Variants in TCF4 observed in about 807,000 individuals in gnomAD.
TCF4 encodes transcription factor 4.
Under a neutral mutation model 82.1 loss-of-function variants are expected in TCF4, and 3 were observed. That is an observed-to-expected ratio of 0.04 (90% CI 0.02 to 0.09). TCF4 has a LOEUF of 0.09. Among genes scored for constraint, TCF4 ranks in the 10% least tolerant of loss-of-function variants. TCF4 has a pLI of 1.00. For missense variants in TCF4, 518 were observed against 852.7 expected, an observed-to-expected ratio of 0.61 and a Z score of 4.89; for synonymous variants, 276 against 309.6, an observed-to-expected ratio of 0.89 and a Z score of 1.14.
intron 8 of TCF4, among the ~76,000 whole-genome samples, chr18:55,330,238 TGGC>T (rs2077301936): frequency 6.9e-6 from 1 of 143,954 alleles, no homozygotes; most frequent in Non-Finnish European, 1.5e-5. Context: ...TGGAGTGCAG[TGGC>T]ACGATCTCGG....
intron 8 of TCF4, among the ~76,000 whole-genome samples, chr18:55,305,612 A>C (rs1302790535): frequency 6.6e-6 from 1 of 152,206 alleles, no homozygotes; most frequent in Admixed American, 6.5e-5. Flanking sequence ...GAATGGTATC[A>C]ATTTATGTTT....
At chr18:55,250,546 A>G (rs2054685245) in intron 15 of TCF4, among the ~76,000 whole-genome samples, 1 of 152,234 alleles carries the variant, frequency 6.6e-6, no homozygotes, top group Non-Finnish European at 1.5e-5. Context: ...CCGCTGCAGG[A>G]CTTGAGACTA....
intron 3 of TCF4, among the ~76,000 whole-genome samples, chr18:55,577,110 G>GTATATATACATTTATATATT (rs1352934116): frequency 5.3e-5 from 7 of 132,800 alleles, no homozygotes; most frequent in South Asian, 2.4e-4. Context: ...ATTTATATAT[G>GTATATATACATTTATATATT]TATATATACA....
intron 15 of TCF4, among the ~76,000 whole-genome samples, chr18:55,236,644 C>T (rs957223604): frequency 1.3e-5 from 2 of 152,018 alleles, no homozygotes. Flanking sequence ...TTTTGATTTG[C>T]TATTTTTATA....
At chr18:55,246,644 G>A (rs778162149) in intron 15 of TCF4, among the ~76,000 whole-genome samples, 4 of 151,772 alleles carry the variant, frequency 2.6e-5, no homozygotes, top group Non-Finnish European at 4.4e-5. Flanking sequence ...GTAAGCTCAA[G>A]GATTCTCAGC....
At chr18:55,381,838 C>T (rs2091944838) in intron 6 of TCF4, among the ~76,000 whole-genome samples, 1 of 151,596 alleles carries the variant, frequency 6.6e-6, no homozygotes, top group Admixed American at 6.6e-5. Flanking sequence ...CAACTTATGT[C>T]TTCTTTTTAC....
intron 3 of TCF4, among the ~76,000 whole-genome samples, chr18:55,548,921 T>C (rs945163642): frequency 1.3e-5 from 2 of 152,208 alleles, no homozygotes; most frequent in Admixed American, 1.3e-4. Context: ...GGTGAGTGAA[T>C]GCAAAGGCCT....
chr18:55,256,876 C>T (rs1466621320), intron 14 of TCF4, among the ~76,000 whole-genome samples: 5 of 152,110 alleles, frequency 3.3e-5, no homozygotes, highest in South Asian at 4.1e-4. Flanking sequence ...TTCTCTACCA[C>T]GAAGGATACC....
intron 3 of TCF4, among the ~76,000 whole-genome samples, chr18:55,526,677 T>C (rs2096988108): frequency 6.6e-6 from 1 of 152,190 alleles, no homozygotes; most frequent in African/African-American, 2.4e-5. Flanking sequence ...GCAGCAATCC[T>C]GAGAAAAGGC....
intron 3 of TCF4, chr18:55,553,149 C>T (rs1258421013): frequency 2.0e-5 from 3 of 152,340 alleles, no homozygotes; most frequent in African/African-American, 7.2e-5. Context: ...CAAAATTCCA[C>T]ATTTGCAACC....
intron 11 of TCF4, among the ~76,000 whole-genome samples, chr18:55,262,001 C>CCAAA (rs376803732): frequency 2.0e-5 from 3 of 152,188 alleles, no homozygotes; most frequent in Non-Finnish European, 2.9e-5. Context: ...CTACAGTACA[C>CCAAA]CAAACAAACA....
chr18:55,545,198 C>T (rs550229902), intron 3 of TCF4, among the ~76,000 whole-genome samples: 332 of 152,302 alleles, frequency 2.2e-3, no homozygotes, highest in Admixed American at 3.8e-3. Context: ...GACTGACTTA[C>T]AATATGGAAT....
intron 8 of TCF4, among the ~76,000 whole-genome samples, chr18:55,342,106 T>TC (rs1569095259): frequency 1.3e-5 from 2 of 152,196 alleles, no homozygotes; most frequent in Non-Finnish European, 2.9e-5. Context: ...CATGCTTTTT[T>TC]CCCCTTCTAC....
chr18:55,351,514 G>A (rs2082316075), intron 6 of TCF4, among the ~76,000 whole-genome samples: 1 of 151,990 alleles, frequency 6.6e-6, no homozygotes, highest in African/African-American at 2.4e-5. Context: ...CCACAGAAGA[G>A]AAAATGCCAA....
chr18:55,569,827 CA>C (rs1360960772), intron 3 of TCF4, among the ~76,000 whole-genome samples: 1 of 151,938 alleles, frequency 6.6e-6, no homozygotes, highest in Non-Finnish European at 1.5e-5. Flanking sequence ...ATAATTCTCC[CA>C]AAATTGATCT....
chr18:55,242,620 T>C (rs2145011725), intron 15 of TCF4, among the ~76,000 whole-genome samples: 1 of 152,142 alleles, frequency 6.6e-6, no homozygotes, highest in Middle Eastern at 3.4e-3. Flanking sequence ...ATTTTTTTTT[T>C]TTTTTTTAAG....
intron 2 of TCF4, among the ~76,000 whole-genome samples, chr18:55,612,647 C>T (rs1176550061): frequency 6.6e-6 from 1 of 151,870 alleles, no homozygotes; most frequent in African/African-American, 2.4e-5. Flanking sequence ...TTAGGAGGTA[C>T]AGGTGCAGTT....
intron 5 of TCF4, among the ~76,000 whole-genome samples, chr18:55,441,581 T>G (rs1432828577): frequency 6.6e-6 from 1 of 152,160 alleles, no homozygotes; most frequent in South Asian, 2.1e-4. Flanking sequence ...TTCTCAAATT[T>G]AAACAATACA....
chr18:55,579,251 C>T (rs1441536354), intron 3 of TCF4, among the ~76,000 whole-genome samples: 4 of 151,618 alleles, frequency 2.6e-5, no homozygotes, highest in African/African-American at 9.7e-5. Context: ...AATTGGCTCA[C>T]GAATGTACAA....
Sources: allele counts gnomAD v4.1 joint callset (sites outside exome capture counted in the v4.1 genomes callset), GRCh38; gene constraint gnomAD v4.1.1; transcripts MANE v1.5; gene names NCBI Gene and HGNC (gene_info 2026-07-23, HGNC 2026-07-21).